TMEM62: variants seen among roughly 807,000 people sequenced by gnomAD.
TMEM62 encodes transmembrane protein 62.
A neutral mutation model predicts 70.4 loss-of-function variants in TMEM62; 41 were observed. The ratio of observed to expected loss-of-function variants is 0.58; its 90% CI spans 0.45 to 0.76. TMEM62 has a LOEUF of 0.76. Among genes scored for constraint, TMEM62 ranks in the 30% least tolerant of loss-of-function variants. TMEM62 has a pLI of 0.00. For synonymous variants in TMEM62, 268 were observed against 291.0 expected (o/e 0.92, Z 0.80); for missense variants, 688 against 788.5 (o/e 0.87, Z 1.53).
chr15:43,159,253 C>T (rs1256096936), intron 9 of TMEM62, among the ~76,000 whole-genome samples: 2 of 152,180 alleles, frequency 1.3e-5, no homozygotes, highest in African/African-American at 4.8e-5. Context: ...AGTCCAATTA[C>T]ACTCTTTTAG....
chr15:43,178,045 T>C (rs1287193696), intron 11 of TMEM62, among the ~76,000 whole-genome samples: 2 of 150,988 alleles, frequency 1.3e-5, no homozygotes, highest in African/African-American at 5.0e-5. Flanking sequence ...GAAAGGACCA[T>C]ATTTGGACAG....
chr15:43,135,825 C>G, intron 3 of TMEM62, 176 bp downstream of exon 3: 1 of 643,084 alleles, frequency 1.6e-6, no homozygotes, highest in Non-Finnish European at 2.4e-6. Context: ...TCATTGTTAG[C>G]CTTTGAGATG....
rs747798505 is a variant in TMEM62 at position 43,160,694 on chromosome 15, GAAGT to G, written c.1200_1203del (p.Ser400ArgfsTer39). The stretch of plus-strand genomic sequence containing the variant: ...GGTTATTACTAGGATTCTGCTGGAA[GAAGT>G]AAGAGTGTTCACCACATATTTTCTG... On this transcript the variant is annotated frameshift_variant, in exon 10 of 14. Transcript: ENST00000260403. LOFTEE classifies it high-confidence loss of function. 1 of 1,600,402 alleles carries G rather than the reference GAAGT, an allele frequency of 6.2e-7. No homozygotes were observed. The highest frequency in any genetic ancestry group is 1.1e-5 in the South Asian group (1 of 89,088).
At position 43,184,796 on chromosome 15, in the gene TMEM62, T is replaced by G; in HGVS notation, c.*210T>G. On this transcript the variant is annotated 3_prime_UTR_variant, in exon 14 of 14. Transcript: ENST00000260403. ...AAAAGTCTCAAAAATAATGCCTTTA[T>G]TCCTTCCCTCCCTAAGGAGGCAAAG... 1.7e-6 allele frequency: 1 copy of G among 580,960 alleles called. No homozygotes were observed. Among genetic ancestry groups the G allele is most frequent in the Non-Finnish European group, 3.0e-6 (1 of 328,078 alleles). The allele number at this position is 580,960 out of a possible 1,614,324, so 36.0% of individuals were successfully genotyped here. A position where few individuals can be genotyped will look rare whatever the true frequency, so the allele number is the denominator to read the frequency against.
chr15:43,158,885 T>A (rs2038344043), intron 9 of TMEM62, among the ~76,000 whole-genome samples: 1 of 152,216 alleles, frequency 6.6e-6, no homozygotes, highest in Non-Finnish European at 1.5e-5. Context: ...AATATATTGA[T>A]GTATAAAAAA....
Position 43,139,670 on chromosome 15 carries a change from A to G in TMEM62, c.476+1051A>G, listed in dbSNP as rs557392191. Among the ~76,000 whole-genome samples, 6 of 152,334 alleles carry G rather than the reference A, an allele frequency of 3.9e-5. No homozygotes were observed. In the South Asian group the frequency reaches 1.2e-3, roughly 32 times the overall value. ...AACGTTTTCGTGTTCTGGATAGACA[A>G]TCAAACCACCTACAACATTCACTTA... On this transcript the variant is annotated intron_variant, in intron 4 of 13. Transcript: ENST00000260403.
At chr15:43,183,846 C>T (rs2041623634) in intron 13 of TMEM62, among the ~76,000 whole-genome samples, 1 of 151,988 alleles carries the variant, frequency 6.6e-6, no homozygotes, top group African/African-American at 2.4e-5. Context: ...ATTTATATTC[C>T]AGTACTTATC....
At chr15:43,160,141 G>A (rs2038515435) in intron 9 of TMEM62, among the ~76,000 whole-genome samples, 1 of 151,816 alleles carries the variant, frequency 6.6e-6, no homozygotes, top group African/African-American at 2.4e-5. Flanking sequence ...GCTAATTTTT[G>A]TATTTTTAGT....
rs2037447958 is a variant in TMEM62 at position 43,151,965 on chromosome 15, A to G, written c.1022+20A>G. On this transcript the variant is annotated intron_variant, in intron 8 of 13. Transcript: ENST00000260403. ...CATCAGGTATGTAGCAATTTTTTAG[A>G]ATTTACTTTCAGTTTGATAATGAAG... is the stretch of plus-strand genomic sequence containing the variant. 1.3e-6 allele frequency: 2 copies of G among 1,573,424 alleles called. No homozygotes were observed. The highest frequency in any genetic ancestry group is 1.7e-6 in the Non-Finnish European group (2 of 1,158,172).
chr15:43,178,839 A>G (rs2041054113), intron 12 of TMEM62, 128 bp downstream of exon 12: 1 of 540,464 alleles, frequency 1.9e-6, no homozygotes, highest in Admixed American at 3.7e-5. Context: ...TTTCTGGGAC[A>G]TGGTTTTGGA....
At position 43,151,939 on chromosome 15, in the gene TMEM62, A is replaced by C; in HGVS notation, c.1016A>C (p.His339Pro). The change falls in exon 8 of 14, where the codon CAC (histidine) becomes CCC (proline). Residue 339 changes from histidine (H) to proline (P), a missense_variant. By Grantham distance (77) the His-to-Pro change is moderately conservative. Transcript: ENST00000260403. ...EPLERLLHST[H>P]IRVLAFSLSS... ...CTAGAAAGACTTCTTCACTCAACAC[A>C]CATCAGGTATGTAGCAATTTTTTAG... 1 of 1,601,600 alleles carries C rather than the reference A, an allele frequency of 6.2e-7. No homozygotes were observed. The highest frequency in any genetic ancestry group is 8.5e-7 in the Non-Finnish European group (1 of 1,175,694).
Position 43,178,722 on chromosome 15 carries a change from T to C in TMEM62, c.1486+11T>C. Reference sequence around the variant, plus strand: ...TGTATACAGTGCTGGGTAAGTAAATTAGTACAGATTATGGGGAATTTTGCC... The same window carrying C: ...TGTATACAGTGCTGGGTAAGTAAATCAGTACAGATTATGGGGAATTTTGCC... On this transcript the variant is annotated intron_variant, in intron 12 of 13. Coordinates refer to ENST00000260403, the MANE Select transcript of TMEM62 (RefSeq NM_024956.4). 1 of 1,521,224 alleles carries C rather than the reference T, an allele frequency of 6.6e-7. No homozygotes were observed. Among genetic ancestry groups the C allele is most frequent in the Non-Finnish European group, 9.0e-7 (1 of 1,109,126 alleles). 94.2% of individuals were successfully genotyped at this position (1,521,224 alleles called of 1,614,324 possible). A position where few individuals can be genotyped will look rare whatever the true frequency, so the allele number is the denominator to read the frequency against.
chr15:43,152,395 T>C (rs1266361006), intron 8 of TMEM62, among the ~76,000 whole-genome samples: 6 of 151,652 alleles, frequency 4.0e-5, no homozygotes. Context: ...TTTGTTTTGT[T>C]TTGTTTTGTT....
At position 43,135,517 on chromosome 15, in the gene TMEM62, C is replaced by G; in HGVS notation, c.298C>G (p.Leu100Val). ...ATTCTTGTGTAAACCTACAGGAGACCTGACAGATGCCAAAACAAAGGAACA... is the reference window on the plus strand; with the variant it reads ...ATTCTTGTGTAAACCTACAGGAGACGTGACAGATGCCAAAACAAAGGAACA... ...QPALVLATGD[L>V]TDAKTKEQLG... The change falls in exon 3 of 14, where the codon CTG becomes GTG. Residue 100 changes from leucine to valine, a missense_variant. Leu to Val is a conservative substitution (Grantham distance 32). Transcript: ENST00000260403. 6.3e-7 allele frequency: 1 copy of G among 1,596,622 alleles called. No homozygotes were observed. Among genetic ancestry groups the G allele is most frequent in the Non-Finnish European group, 8.5e-7 (1 of 1,175,824 alleles).
chr15:43,134,195 GC>G, intron 1 of TMEM62, 61 bp from the exon 2 acceptor site: 1 of 1,556,424 alleles, frequency 6.4e-7, no homozygotes. Flanking sequence ...CCGCTGAGCC[GC>G]CCCTCCCCAT....
At chr15:43,137,553 G>C (rs2035400152) in intron 3 of TMEM62, among the ~76,000 whole-genome samples, 1 of 152,276 alleles carries the variant, frequency 6.6e-6, no homozygotes, top group Non-Finnish European at 1.5e-5. Flanking sequence ...GTCTGTGCCA[G>C]CAGAGGCAGA....
At chr15:43,167,716 C>T (rs982839554) in intron 10 of TMEM62, among the ~76,000 whole-genome samples, 5 of 152,158 alleles carry the variant, frequency 3.3e-5, no homozygotes, top group South Asian at 2.1e-4. Flanking sequence ...ACTTCCCAGA[C>T]GGGGTGGCGG....
chr15:43,183,598 A>G (rs1346936770), intron 13 of TMEM62, among the ~76,000 whole-genome samples: 1 of 150,722 alleles, frequency 6.6e-6, no homozygotes, highest in Non-Finnish European at 1.5e-5. Context: ...CTCATGACCC[A>G]GTTCTTTCCT....
intron 4 of TMEM62, among the ~76,000 whole-genome samples, chr15:43,143,158 T>C (rs1253244442): frequency 6.6e-6 from 1 of 152,000 alleles, no homozygotes; most frequent in African/African-American, 2.4e-5. Context: ...ACCTCCCTGG[T>C]TCAAGCGAGT....
Sources: gnomAD v4.1 joint callset for allele counts (sites outside exome capture counted in the v4.1 genomes callset) on GRCh38, gnomAD v4.1.1 for gene constraint, MANE v1.5 for transcripts, NCBI Gene and HGNC (gene_info 2026-07-23, HGNC 2026-07-21) for gene names.